SEMA3A: variants seen among roughly 807,000 people sequenced by gnomAD.
The protein encoded by SEMA3A is semaphorin 3A.
SEMA3A carries 29 observed loss-of-function variants against 97.9 expected under a neutral mutation model. The observed-to-expected ratio is 0.30, with a 90% CI of 0.22 to 0.40. SEMA3A has a LOEUF of 0.40. Ranked by LOEUF, SEMA3A falls within the 10% of genes least tolerant of loss-of-function variation. The pLI, the probability that SEMA3A is intolerant of heterozygous loss-of-function variation, is 1.00. For missense variants in SEMA3A, 763 were observed against 951.3 expected (o/e 0.80, Z 2.60); for synonymous variants, 321 against 323.7 (o/e 0.99, Z 0.09).
At chr7:84,403,724 T>C (rs1803978309) in intron 1 of SEMA3A, among the ~76,000 whole-genome samples, 1 of 152,098 alleles carries the variant, frequency 6.6e-6, no homozygotes, top group Admixed American at 6.5e-5. Flanking sequence ...GGCAGCAACA[T>C]TTGCGGTTCA....
At chr7:84,467,024 G>A (rs1806015900) in intron 1 of SEMA3A, among the ~76,000 whole-genome samples, 2 of 152,054 alleles carry the variant, frequency 1.3e-5, no homozygotes, top group South Asian at 4.1e-4. Flanking sequence ...TGATGATTCA[G>A]TATGTCAGTT....
chr7:84,121,377 C>T (rs983010460), intron 3 of SEMA3A, among the ~76,000 whole-genome samples: 1 of 150,654 alleles, frequency 6.6e-6, no homozygotes, highest in Non-Finnish European at 1.5e-5. Context: ...CACCCCACGA[C>T]AGGCCCCAGT....
chr7:84,160,277 C>CT (rs1373477072), intron 1 of SEMA3A, among the ~76,000 whole-genome samples: 7 of 142,852 alleles, frequency 4.9e-5, no homozygotes, highest in African/African-American at 7.9e-5. Context: ...ATCTATCTAT[C>CT]GTTAGTTCGT....
intron 6 of SEMA3A, among the ~76,000 whole-genome samples, chr7:84,017,216 T>C (rs1414144958): frequency 6.6e-6 from 1 of 152,210 alleles, no homozygotes; most frequent in Non-Finnish European, 1.5e-5. Flanking sequence ...GAAGGTGTCA[T>C]TGAGCACTGC....
chr7:84,311,490 A>C (rs989845355), intron 2 of SEMA3A, among the ~76,000 whole-genome samples: 6 of 151,892 alleles, frequency 4.0e-5, no homozygotes, highest in Non-Finnish European at 8.8e-5. Context: ...GCAAATGTAG[A>C]AGTAATAATC....
chr7:84,383,621 C>T (rs1803324100), intron 1 of SEMA3A, among the ~76,000 whole-genome samples: 1 of 152,140 alleles, frequency 6.6e-6, no homozygotes. Context: ...GGAGCTATTA[C>T]TGTGATCAAA....
intron 6 of SEMA3A, among the ~76,000 whole-genome samples, chr7:84,026,123 G>A (rs1448629607): frequency 2.0e-5 from 3 of 152,114 alleles, no homozygotes; most frequent in South Asian, 2.1e-4. Flanking sequence ...GGCAAATGAC[G>A]GAATAAGAAG....
At chr7:84,301,727 CTGTGTTCCCATA>C (rs1801021409) in intron 3 of SEMA3A, among the ~76,000 whole-genome samples, 1 of 152,144 alleles carries the variant, frequency 6.6e-6, no homozygotes. Context: ...ACGAATGTGC[CTGTGTTCCCATA>C]TACTTCTATT....
chr7:84,069,769 C>T (rs1185492280), intron 4 of SEMA3A, among the ~76,000 whole-genome samples: 2 of 152,028 alleles, frequency 1.3e-5, no homozygotes, highest in Non-Finnish European at 1.5e-5. Context: ...AATAAAACAG[C>T]GTCCTCTTTA....
chr7:84,152,707 A>C lies in SEMA3A; in HGVS notation c.113-17756T>G, dbSNP rs934381993. Among the ~76,000 whole-genome samples the C allele has an allele frequency of 2.6e-5, 4 of 152,082 alleles. No individual in the cohort carries two copies. The East Asian group carries it at 7.7e-4, about 29-fold the overall frequency. ...TAAAGTATAATAATAAAAAATAAATAAATAAAAAAGAAGAAGCTGAGATTA... is the reference window on the plus strand; with the variant it reads ...TAAAGTATAATAATAAAAAATAAATCAATAAAAAAGAAGAAGCTGAGATTA... On this transcript the variant is annotated intron_variant, in intron 1 of 16. Coordinates refer to ENST00000265362, the MANE Select transcript of SEMA3A (RefSeq NM_006080.3).
intron 4 of SEMA3A, among the ~76,000 whole-genome samples, chr7:84,099,803 C>T (rs1489534477): frequency 2.0e-5 from 3 of 152,152 alleles, no homozygotes; most frequent in Admixed American, 2.0e-4. Flanking sequence ...AGAATAGGGT[C>T]TTATGATGTC....
chr7:84,481,191 T>C (rs1562961433), intron 1 of SEMA3A, among the ~76,000 whole-genome samples: 1 of 152,138 alleles, frequency 6.6e-6, no homozygotes, highest in East Asian at 1.9e-4. Context: ...AATGGTGGGG[T>C]TGACCATTGA....
Position 84,379,748 on chromosome 7 carries a change from A to G in SEMA3A, c.-245-7848T>C, listed in dbSNP as rs147456341. Among the ~76,000 whole-genome samples the G allele has an allele frequency of 5.9e-5, 9 of 152,312 alleles. No individual in the cohort carries two copies. In the East Asian group the frequency reaches 1.7e-3, roughly 29 times the overall value. ...AAGCTCTTTGTTCATCGAAATTAAT[A>G]TGGTAAACCCATGTCATTTTTGTAA... On this transcript the variant is annotated intron_variant, in intron 1 of 3. Transcript: ENST00000424555.
intron 1 of SEMA3A, among the ~76,000 whole-genome samples, chr7:84,156,763 G>A (rs949549509): frequency 1.3e-5 from 2 of 152,026 alleles, no homozygotes; most frequent in African/African-American, 2.4e-5. Context: ...TTATTTGAAC[G>A]AAAGTCAAAG....
At chr7:84,089,691 CT>C (rs1449298544) in intron 4 of SEMA3A, among the ~76,000 whole-genome samples, 2 of 151,852 alleles carry the variant, frequency 1.3e-5, no homozygotes. Flanking sequence ...AAATTGATTG[CT>C]TTTTATAATT....
At chr7:84,388,141 A>C (rs1006028881) in intron 1 of SEMA3A, among the ~76,000 whole-genome samples, 5 of 152,184 alleles carry the variant, frequency 3.3e-5, no homozygotes, top group African/African-American at 1.2e-4. Context: ...TCCTAATCAC[A>C]AAACATTTGA....
At chr7:84,345,071 T>G (rs935529178) in intron 2 of SEMA3A, among the ~76,000 whole-genome samples, 1 of 151,850 alleles carries the variant, frequency 6.6e-6, no homozygotes, top group Admixed American at 6.6e-5. Context: ...ATATTGAGAG[T>G]TCAGTTCCAA....
intron 1 of SEMA3A, 64 bp from the exon 2 acceptor site, chr7:84,135,015 G>A (rs1796080674): frequency 7.5e-7 from 1 of 1,340,948 alleles, no homozygotes; most frequent in Non-Finnish European, 1.0e-6. Context: ...ATAGACTGTT[G>A]GTACATGGTA....
rs760644342 is a variant in SEMA3A at position 84,481,493 on chromosome 7, T to C, written c.-246+10967A>G. On this transcript the variant is annotated intron_variant, in intron 1 of 3. Transcript: ENST00000424555. ...GTTAAATAAGAAATGCAGTGTTTAA[T>C]AGAAAAAAGATCTGGCATAAACTTT... is the stretch of plus-strand genomic sequence containing the variant. Among the ~76,000 whole-genome samples the C allele has an allele frequency of 9.8e-5, 15 of 152,302 alleles. No homozygotes were observed. In the East Asian group the frequency reaches 2.5e-3, roughly 25 times the overall value.
Sources: gnomAD v4.1 joint callset for allele counts (sites outside exome capture counted in the v4.1 genomes callset) on GRCh38, gnomAD v4.1.1 for gene constraint, MANE v1.5 for transcripts, NCBI Gene and HGNC (gene_info 2026-07-23, HGNC 2026-07-21) for gene names.